CLEC4C: variants seen among roughly 807,000 people sequenced by gnomAD.
CLEC4C encodes C-type lectin domain family 4 member C, also known as C-type (calcium dependent, carbohydrate-recognition domain) lectin, superfamily member 11.
Under a neutral mutation model 27.7 loss-of-function variants are expected in CLEC4C, and 17 were observed. The ratio of observed to expected loss-of-function variants is 0.61; its 90% CI spans 0.42 to 0.92. The LOEUF is 0.92. CLEC4C is among the 40% of genes least tolerant of loss of function. The pLI, the probability that CLEC4C is intolerant of heterozygous loss-of-function variation, is 0.00. For synonymous variants in CLEC4C, 80 were observed against 80.8 expected (o/e 0.99, Z 0.06); for missense variants, 244 against 257.3 (o/e 0.95, Z 0.35).
Position 7,737,409 on chromosome 12 carries a change from C to T in CLEC4C, c.381+20G>A, listed in dbSNP as rs1864751960. Reference sequence around the variant, plus strand: ...AGAAAGGAAACAGATTAGCTGACCACCTTGCCTGTTAGAACATACCTGTTC... The same window carrying T: ...AGAAAGGAAACAGATTAGCTGACCATCTTGCCTGTTAGAACATACCTGTTC... On this transcript the variant is annotated intron_variant, in intron 4 of 5. Coordinates refer to ENST00000360345, the MANE Select transcript of CLEC4C (RefSeq NM_001371390.1). 1 of 1,585,124 alleles carries T rather than the reference C, an allele frequency of 6.3e-7. No individual in the cohort carries two copies. Among genetic ancestry groups the T allele is most frequent in the Admixed American group, 1.7e-5 (1 of 57,914 alleles).
intron 4 of CLEC4C, among the ~76,000 whole-genome samples, chr12:7,736,715 T>A (rs1179211819): frequency 6.6e-6 from 1 of 151,858 alleles, no homozygotes; most frequent in Non-Finnish European, 1.5e-5. Context: ...CAGACCATCC[T>A]GGCTAACACA....
In CLEC4C at chr12:7,746,425, T is replaced by C. The variant is rs1864984451; in HGVS notation, c.32-2A>G. 4 of 1,604,514 alleles carry C rather than the reference T, an allele frequency of 2.5e-6. No homozygotes were observed. Among genetic ancestry groups the C allele is most frequent in the Non-Finnish European group, 3.4e-6 (4 of 1,171,550 alleles). On this transcript the variant is annotated splice_acceptor_variant, in intron 1 of 5. Coordinates refer to ENST00000360345, the MANE Select transcript of CLEC4C (RefSeq NM_001371390.1). LOFTEE classifies it high-confidence loss of function. ...ACTGGAACCACCAGAGTCCTTTCTC[T>C]GTCAGATCAGCATGACAAATGCACA...
intron 1 of CLEC4C, 43 bp downstream of exon 1, chr12:7,747,275 T>G (rs536331973): frequency 6.3e-7 from 1 of 1,595,818 alleles, no homozygotes; most frequent in Non-Finnish European, 8.6e-7. Flanking sequence ...CACTCCATCC[T>G]GCTCCTACTA....
At chr12:7,741,211 C>A in intron 3 of CLEC4C, among the ~76,000 whole-genome samples, 1 of 152,122 alleles carries the variant, frequency 6.6e-6, no homozygotes, top group East Asian at 1.9e-4. Flanking sequence ...GGTAATCCAC[C>A]CACCTCGGCC....
intron 4 of CLEC4C, among the ~76,000 whole-genome samples, chr12:7,735,999 G>A (rs748006861): frequency 6.6e-6 from 1 of 151,336 alleles, no homozygotes; most frequent in East Asian, 2.0e-4. Flanking sequence ...AGTCAAGTGG[G>A]AGGGCCAGGT....
intron 4 of CLEC4C, among the ~76,000 whole-genome samples, chr12:7,731,895 A>C (rs1425254017): frequency 6.6e-6 from 1 of 152,178 alleles, no homozygotes; most frequent in East Asian, 1.9e-4. Flanking sequence ...TAGAAGCTGC[A>C]GTGAGCCGAG....
At chr12:7,742,507 T>C (rs1864878463) in intron 2 of CLEC4C, among the ~76,000 whole-genome samples, 1 of 106,994 alleles carries the variant, frequency 9.3e-6, no homozygotes, top group Admixed American at 1.1e-4. Flanking sequence ...CCAGACTTTG[T>C]CTCGAAAAAA....
At chr12:7,748,757 G>T (rs1178093724), upstream of CLEC4C, among the ~76,000 whole-genome samples, 1 of 152,104 alleles carries the variant, frequency 6.6e-6, no homozygotes, top group Admixed American at 6.6e-5. Context: ...GTATTCCTTT[G>T]AGTATACAAT....
At position 7,746,381 on chromosome 12, in the gene CLEC4C, G is replaced by A; in HGVS notation, c.74C>T (p.Ala25Val). ...ACTGAGGAGCAAGATGGATACGACT[G>A]CCATGGACCAGACCTTCAACTGGAA... ...WWFQLKVWSMAVVSILLLSVC... is the reference protein window; with the variant it reads ...WWFQLKVWSMVVVSILLLSVC... Residue 25 changes from alanine (A) to valine (V), a missense_variant, in exon 2 of 6, where the codon GCA becomes GTA. Coordinates refer to ENST00000360345, the MANE Select transcript of CLEC4C (RefSeq NM_001371390.1). 6.2e-7 allele frequency: 1 copy of A among 1,613,844 alleles called. No homozygotes were observed. Among genetic ancestry groups the A allele is most frequent in the Non-Finnish European group, 8.5e-7 (1 of 1,179,824 alleles).
chr12:7,733,627 T>A (rs1275606253), intron 4 of CLEC4C, among the ~76,000 whole-genome samples: 1 of 150,632 alleles, frequency 6.6e-6, no homozygotes, highest in African/African-American at 2.5e-5. Context: ...AACTACAGGC[T>A]CCCGCCACCA....
chr12:7,729,403 TATGAATGA>T lies in CLEC4C; in HGVS notation c.*185_*192del. On this transcript the variant is annotated 3_prime_UTR_variant, in exon 6 of 6. Coordinates refer to ENST00000360345, the MANE Select transcript of CLEC4C (RefSeq NM_001371390.1). ...AAAAATGTTCACTAAACACTCATTT[TATGAATGA>T]ATAAATGAATAAATGAATAAATGAA... The T allele has an allele frequency of 2.0e-6, 1 of 488,216 alleles. No individual in the cohort carries two copies. Among genetic ancestry groups the T allele is most frequent in the Non-Finnish European group, 3.5e-6 (1 of 289,362 alleles). 30.2% of individuals were successfully genotyped at this position (488,216 alleles called of 1,614,324 possible).
chr12:7,742,854 T>TAAAC (rs1280812423), intron 2 of CLEC4C, among the ~76,000 whole-genome samples: 10 of 139,906 alleles, frequency 7.1e-5, no homozygotes, highest in Non-Finnish European at 1.4e-4. Context: ...AATAAATAAA[T>TAAAC]AAACGTTATG....
At chr12:7,747,228 T>C in intron 1 of CLEC4C, 90 bp downstream of exon 1, 1 of 1,138,494 alleles carries the variant, frequency 8.8e-7, no homozygotes, top group East Asian at 2.4e-5. Flanking sequence ...CTACTTCTTC[T>C]TCCAAAGTCA....
Position 7,747,334 on chromosome 12 carries a change from T to G in CLEC4C, c.15A>C (p.Glu5Asp). Residue 5 changes from glutamate (E) to aspartate (D), a missense_variant, in exon 1 of 6, where the codon GAA (glutamate) becomes GAC (aspartate). Coordinates refer to ENST00000360345, the MANE Select transcript of CLEC4C (RefSeq NM_001371390.1). The stretch of plus-strand genomic sequence containing the variant: ...AGTGCTTACCTCGGTCTTGAGGCTC[T>G]TCTTCAGGCACCATTGTGTGTGCGC... MVPE[E>D]EPQDREKGLW... 1 of 1,614,164 alleles carries G rather than the reference T, an allele frequency of 6.2e-7. No individual in the cohort carries two copies.
At chr12:7,739,397 C>T (rs1176248592) in intron 3 of CLEC4C, among the ~76,000 whole-genome samples, 1 of 152,114 alleles carries the variant, frequency 6.6e-6, no homozygotes, top group Non-Finnish European at 1.5e-5. Flanking sequence ...AGGGGTGAGC[C>T]ACCGCGCCTG....
At chr12:7,742,020 C>CA (rs139483033) in intron 2 of CLEC4C, among the ~76,000 whole-genome samples, 1 of 149,994 alleles carries the variant, frequency 6.7e-6, no homozygotes, top group East Asian at 2.0e-4. Context: ...GACTGTGTCT[C>CA]AAAAAAACAA....
intron 2 of CLEC4C, among the ~76,000 whole-genome samples, chr12:7,744,525 G>A (rs1864929217): frequency 2.6e-5 from 4 of 152,160 alleles, no homozygotes; most frequent in Admixed American, 2.6e-4. Flanking sequence ...TTTCTCAGGT[G>A]TCACAAAAAT....
intron 4 of CLEC4C, among the ~76,000 whole-genome samples, chr12:7,734,531 GAAT>G (rs1376243844): frequency 6.7e-6 from 1 of 150,360 alleles, no homozygotes; most frequent in Non-Finnish European, 1.5e-5. Context: ...CTTTGGAAGA[GAAT>G]AATATCTGAG....
chr12:7,741,813 C>T (rs767633382), intron 2 of CLEC4C, among the ~76,000 whole-genome samples: 19 of 152,006 alleles, frequency 1.2e-4, no homozygotes, highest in Non-Finnish European at 2.8e-4. Context: ...GGTTGGATCA[C>T]TTGAGGTCAG....
Sources: allele counts gnomAD v4.1 joint callset (sites outside exome capture counted in the v4.1 genomes callset), GRCh38; gene constraint gnomAD v4.1.1; transcripts MANE v1.5; gene names NCBI Gene and HGNC (gene_info 2026-07-23, HGNC 2026-07-21).